Variants in TRAPPC2L observed in about 807,000 individuals in gnomAD.
The protein encoded by TRAPPC2L is trafficking protein particle complex subunit 2-like protein.
Under a neutral mutation model 13.2 loss-of-function variants are expected in TRAPPC2L, and 17 were observed. That is an observed-to-expected ratio of 1.29 (90% CI 0.88 to 1.93). The LOEUF (loss-of-function observed/expected upper bound fraction) is 1.93. TRAPPC2L is among the 30% of genes most tolerant of loss of function. TRAPPC2L has a pLI of 0.00. For missense variants in TRAPPC2L, 359 were observed against 252.1 expected (o/e 1.42, Z -2.87); for synonymous variants, 150 against 98.1 (o/e 1.53, Z -3.12).
chr16:88,857,071 T>G, upstream of TRAPPC2L: 5 of 1,502,864 alleles, frequency 3.3e-6, no homozygotes, highest in South Asian at 2.6e-5. Flanking sequence ...GCCAGCTGTG[T>G]GCGGATGGGG....
intron 2 of TRAPPC2L, 157 bp from the exon 3 acceptor site, chr16:88,859,506 A>G: frequency 2.6e-6 from 2 of 782,536 alleles, no homozygotes; most frequent in Non-Finnish European, 4.5e-6. Context: ...CTAGCAAAGT[A>G]TTTAGGCTTG....
exon 4 of TRAPPC2L, chr16:88,861,491 AGGAGCCCTTGTGAAACCTG>A (rs1968386059): frequency 2.8e-6 from 1 of 361,898 alleles, no homozygotes; most frequent in African/African-American, 2.1e-5. Context: ...CGGCCTTAAA[AGGAGCCCTTGTGAAACCTG>A]GGAAGCCTCG....
intron 2 of TRAPPC2L, 189 bp from the exon 3 acceptor site, chr16:88,859,474 C>T (rs1968217627): frequency 8.4e-6 from 6 of 713,158 alleles, no homozygotes; most frequent in South Asian, 7.4e-5. Flanking sequence ...CTTCGCTTCT[C>T]CTGCAAACAC....
At chr16:88,859,020 G>T in intron 2 of TRAPPC2L, 1 of 559,006 alleles carries the variant, frequency 1.8e-6, no homozygotes, top group Non-Finnish European at 3.2e-6. Flanking sequence ...TGGTTTGCAC[G>T]TGTCCGTTGT....
intron 2 of TRAPPC2L, 34 bp from the exon 3 acceptor site, chr16:88,859,629 G>A (rs1190554601): frequency 6.2e-7 from 1 of 1,601,516 alleles, no homozygotes; most frequent in Non-Finnish European, 8.6e-7. Context: ...GGCAGTCCCT[G>A]TGTTACGAGT....
upstream of TRAPPC2L, chr16:88,856,970 C>T (rs867261554): frequency 1.1e-4 from 152 of 1,403,580 alleles, 3 homozygotes; most frequent in Middle Eastern, 3.1e-3. Context: ...GGGGCCTGGA[C>T]GGCCACGTGA....
chr16:88,858,092 A>G (rs1404776121), intron 1 of TRAPPC2L, among the ~76,000 whole-genome samples: 1 of 152,250 alleles, frequency 6.6e-6, no homozygotes, highest in Non-Finnish European at 1.5e-5. Flanking sequence ...CTGAACACAC[A>G]CAGGGTAAAT....
chr16:88,859,946 C>T (rs764411430), exon 4 of TRAPPC2L: 14 of 1,518,062 alleles, frequency 9.2e-6, no homozygotes, highest in Middle Eastern at 1.8e-4. Context: ...ACCCCTTCTA[C>T]AACCCGGGGG....
exon 4 of TRAPPC2L, chr16:88,860,261 G>C (rs1968295631): frequency 1.4e-6 from 1 of 702,198 alleles, no homozygotes; most frequent in East Asian, 2.7e-5. Context: ...GCACCTGCAG[G>C]ACTCAGGGCC....
intron 2 of TRAPPC2L, chr16:88,859,016 G>A (rs1968190068): frequency 3.5e-6 from 2 of 566,082 alleles, no homozygotes; most frequent in South Asian, 4.2e-5. Context: ...GTTTTGGTTT[G>A]CACGTGTCCG....
exon 4 of TRAPPC2L, chr16:88,860,417 A>G (rs140873944): frequency 1.6e-6 from 1 of 607,164 alleles, no homozygotes; most frequent in Non-Finnish European, 2.9e-6. Flanking sequence ...TTTGAACATC[A>G]TGAGGGAAAT....
At chr16:88,860,982 G>T in exon 4 of TRAPPC2L, 2 of 1,574,066 alleles carry the variant, frequency 1.3e-6, no homozygotes, top group Non-Finnish European at 1.7e-6. Flanking sequence ...GCCAGCCATC[G>T]CAGAGGAGCC....
At chr16:88,861,395 C>T (rs1567559628) in exon 4 of TRAPPC2L, 3 of 344,472 alleles carry the variant, frequency 8.7e-6, no homozygotes, top group African/African-American at 2.2e-5. Context: ...CAAGGGGAGC[C>T]GGCGTGGCTT....
chr16:88,858,819 G>C (rs956751506), intron 2 of TRAPPC2L, 28 bp downstream of exon 2: 6 of 1,600,516 alleles, frequency 3.7e-6, no homozygotes, highest in Non-Finnish European at 5.1e-6. Flanking sequence ...GTGTGTGTCA[G>C]GGAGGACCTA....
At chr16:88,858,877 AG>A in intron 2 of TRAPPC2L, 86 bp downstream of exon 2, 1 of 1,434,030 alleles carries the variant, frequency 7.0e-7, no homozygotes, top group Non-Finnish European at 9.4e-7. Context: ...ACCTTTTAGA[AG>A]AAAAAGAGGT....
chr16:88,860,790 A>G (rs1329847760), exon 4 of TRAPPC2L: 2 of 1,089,092 alleles, frequency 1.8e-6, no homozygotes, highest in Non-Finnish European at 2.7e-6. Flanking sequence ...AGCGGAGTTC[A>G]CATTTCTGGA....
upstream of TRAPPC2L, chr16:88,856,448 C>G (rs1967889706): frequency 1.4e-6 from 1 of 700,492 alleles, no homozygotes; most frequent in South Asian, 1.5e-5. Context: ...GCCGGCCACC[C>G]ACCTGCCAGG....
At chr16:88,856,849 C>A (rs1967945316), upstream of TRAPPC2L, 8 of 1,514,022 alleles carry the variant, frequency 5.3e-6, no homozygotes, top group Non-Finnish European at 7.0e-6. Flanking sequence ...CAGCTGCCAC[C>A]ACCTCGTCGC....
chr16:88,856,980 A>T, upstream of TRAPPC2L: 1 of 1,392,214 alleles, frequency 7.2e-7, no homozygotes, highest in Non-Finnish European at 9.2e-7. Context: ...CGGCCACGTG[A>T]CTCGCGGGGC....
Sources: allele counts gnomAD v4.1 joint callset (sites outside exome capture counted in the v4.1 genomes callset), GRCh38; gene constraint gnomAD v4.1.1; transcripts MANE v1.5; gene names NCBI Gene and HGNC (gene_info 2026-07-23, HGNC 2026-07-21).